Variants in ASIC2 observed in about 807,000 individuals in gnomAD.
The protein encoded by ASIC2 is acid-sensing ion channel 2.
Under a neutral mutation model 57.3 loss-of-function variants are expected in ASIC2, and 25 were observed. The ratio of observed to expected loss-of-function variants is 0.44; its 90% confidence interval spans 0.32 to 0.61. The LOEUF is 0.61. ASIC2 is among the 20% of genes least tolerant of loss of function. The pLI is 0.06. For synonymous variants in ASIC2, 319 were observed against 307.5 expected (o/e 1.04, Z -0.39); for missense variants, 641 against 738.1 (o/e 0.87, Z 1.52).
At chr17:33,273,661 A>T (rs1352445190) in intron 1 of ASIC2, among the ~76,000 whole-genome samples, 1 of 152,230 alleles carries the variant, frequency 6.6e-6, no homozygotes, top group African/African-American at 2.4e-5. Flanking sequence ...CATCCTCTCA[A>T]TTCATTTCGC....
At chr17:33,505,804 T>C (rs934845496) in intron 1 of ASIC2, among the ~76,000 whole-genome samples, 1 of 152,234 alleles carries the variant, frequency 6.6e-6, no homozygotes, top group African/African-American at 2.4e-5. Context: ...AGTCCTGACA[T>C]AGCCTCTTAA....
intron 1 of ASIC2, among the ~76,000 whole-genome samples, chr17:33,422,022 T>A (rs1236732037): frequency 6.6e-6 from 1 of 152,210 alleles, no homozygotes; most frequent in Non-Finnish European, 1.5e-5. Context: ...CTGGGCAAAC[T>A]TCTATTCATT....
At chr17:33,351,924 G>A (rs1372686301) in intron 1 of ASIC2, among the ~76,000 whole-genome samples, 4 of 152,098 alleles carry the variant, frequency 2.6e-5, no homozygotes, top group Non-Finnish European at 4.4e-5. Flanking sequence ...CTGAGACTGT[G>A]TGAGCAGCAG....
At chr17:34,051,501 C>A (rs1445252234) in intron 1 of ASIC2, among the ~76,000 whole-genome samples, 1 of 152,162 alleles carries the variant, frequency 6.6e-6, no homozygotes, top group Non-Finnish European at 1.5e-5. Context: ...TTATTAATTG[C>A]AAAGATAAGT....
At chr17:33,499,160 C>T (rs1567631539) in intron 1 of ASIC2, among the ~76,000 whole-genome samples, 1 of 152,200 alleles carries the variant, frequency 6.6e-6, no homozygotes, top group African/African-American at 2.4e-5. Context: ...GTGGGGGTGT[C>T]TACATCTCCT....
intron 1 of ASIC2, among the ~76,000 whole-genome samples, chr17:33,920,070 T>A (rs1163462716): frequency 3.9e-5 from 6 of 152,224 alleles, no homozygotes; most frequent in Admixed American, 1.3e-4. Flanking sequence ...ACACTGCTGG[T>A]GGGAATATAA....
At chr17:33,721,956 G>A (rs1286230409) in intron 1 of ASIC2, among the ~76,000 whole-genome samples, 1 of 152,112 alleles carries the variant, frequency 6.6e-6, no homozygotes, top group Non-Finnish European at 1.5e-5. Flanking sequence ...AAGTGAAGAA[G>A]CAAACCACAG....
At chr17:33,529,144 T>TG (rs1379076142) in intron 1 of ASIC2, among the ~76,000 whole-genome samples, 1 of 152,210 alleles carries the variant, frequency 6.6e-6, no homozygotes, top group Admixed American at 6.5e-5. Flanking sequence ...GGGGACATCT[T>TG]GGGTTTGGAC....
intron 1 of ASIC2, among the ~76,000 whole-genome samples, chr17:33,513,313 C>A (rs888746280): frequency 1.3e-5 from 2 of 152,188 alleles, no homozygotes; most frequent in African/African-American, 4.8e-5. Flanking sequence ...TTATTTTCAG[C>A]TTTTCACAAG....
At chr17:33,331,935 C>A (rs1296921720) in intron 1 of ASIC2, among the ~76,000 whole-genome samples, 3 of 152,226 alleles carry the variant, frequency 2.0e-5, no homozygotes, top group Non-Finnish European at 2.9e-5. Flanking sequence ...ACCTGTGGAG[C>A]TTTTGAAAAA....
intron 1 of ASIC2, among the ~76,000 whole-genome samples, chr17:33,945,735 C>T (rs897687395): frequency 9.2e-5 from 14 of 152,112 alleles, no homozygotes; most frequent in Non-Finnish European, 1.3e-4. Context: ...CAAGAAGCTC[C>T]GTGATCTGAC....
At chr17:33,933,803 G>A (rs1027888187) in intron 1 of ASIC2, among the ~76,000 whole-genome samples, 9 of 152,232 alleles carry the variant, frequency 5.9e-5, no homozygotes, top group African/African-American at 1.9e-4. Flanking sequence ...GAGGAGGCAC[G>A]TGGGGCCAAC....
At chr17:33,426,100 T>A (rs777900242) in intron 1 of ASIC2, among the ~76,000 whole-genome samples, 6 of 152,100 alleles carry the variant, frequency 3.9e-5, no homozygotes, top group South Asian at 2.1e-4. Context: ...CAATGAAGGG[T>A]TGTTGAGGCT....
intron 1 of ASIC2, among the ~76,000 whole-genome samples, chr17:33,473,486 G>A (rs1288749368): frequency 2.0e-5 from 3 of 151,948 alleles, no homozygotes; most frequent in Admixed American, 2.0e-4. Flanking sequence ...GCGGGGACTT[G>A]GGGATGCATC....
intron 1 of ASIC2, among the ~76,000 whole-genome samples, chr17:33,327,238 A>G (rs1907115711): frequency 6.6e-6 from 1 of 152,062 alleles, no homozygotes; most frequent in African/African-American, 2.4e-5. Flanking sequence ...TCAAGGCCCC[A>G]CTCAAGTCTT....
intron 1 of ASIC2, among the ~76,000 whole-genome samples, chr17:33,355,406 G>A (rs1908337413): frequency 6.7e-6 from 1 of 149,494 alleles, no homozygotes; most frequent in South Asian, 2.3e-4. Flanking sequence ...AGCAGTCTGG[G>A]GGTCAAAGCC....
chr17:33,790,487 G>A (rs912438494), intron 1 of ASIC2, among the ~76,000 whole-genome samples: 7 of 152,040 alleles, frequency 4.6e-5, no homozygotes, highest in Non-Finnish European at 8.8e-5. Flanking sequence ...TTGCAGTATT[G>A]GTTAGCTATT....
intron 1 of ASIC2, among the ~76,000 whole-genome samples, chr17:33,747,415 G>T (rs78655733): frequency 0.085 from 12,871 of 151,800 alleles, 1,010 homozygotes; most frequent in East Asian, 0.44. Flanking sequence ...GTAGAGATGG[G>T]GTTTCATCAC....
chr17:34,140,255 A>G (rs1486744299), intron 1 of ASIC2, among the ~76,000 whole-genome samples: 5 of 152,200 alleles, frequency 3.3e-5, no homozygotes, highest in Admixed American at 2.6e-4. Flanking sequence ...TGAGGGTAAC[A>G]CGACACAGGT....
Sources: gnomAD v4.1 joint callset for allele counts (sites outside exome capture counted in the v4.1 genomes callset) on GRCh38, gnomAD v4.1.1 for gene constraint, MANE v1.5 for transcripts, NCBI Gene and HGNC (gene_info 2026-07-23, HGNC 2026-07-21) for gene names.